EEF1AKMT1: variants seen among roughly 807,000 people sequenced by gnomAD.
EEF1AKMT1 encodes N-6 adenine-specific DNA methyltransferase 2 (putative).
EEF1AKMT1 carries 18 observed loss-of-function variants against 21.0 expected under a neutral mutation model. That is an observed-to-expected ratio of 0.86 (90% confidence interval 0.59 to 1.27). The LOEUF (loss-of-function observed/expected upper bound fraction) is 1.27. EEF1AKMT1 is among the 50% of genes most tolerant of loss of function. The probability of loss-of-function intolerance (pLI) is 0.00; values close to 1 mark genes in which losing one functional copy is unlikely to be tolerated. For synonymous variants in EEF1AKMT1, 109 were observed against 94.8 expected, an observed-to-expected ratio of 1.15 and a Z score of -0.87; for missense variants, 246 against 258.6, an observed-to-expected ratio of 0.95 and a Z score of 0.33.
intron 1 of EEF1AKMT1, 55 bp from the exon 2 acceptor site, chr13:20,757,672 G>GT (rs1246304156): frequency 8.6e-5 from 121 of 1,405,484 alleles, no homozygotes; most frequent in Non-Finnish European, 1.1e-4. Context: ...TTCCCAGCCA[G>GT]TAATAATTTT....
At position 20,763,122 on chromosome 13, in the gene EEF1AKMT1, C is replaced by T. The variant is rs559515249; in HGVS notation, c.-19-5505G>A. 3.3e-5 allele frequency among the ~76,000 whole-genome samples: 5 copies of T among 152,214 alleles called. No individual in the cohort carries two copies. In the East Asian group the frequency reaches 9.6e-4, roughly 29 times the overall value. On this transcript the variant is annotated intron_variant, in intron 1 of 4. Transcript: ENST00000382758. The stretch of plus-strand genomic sequence containing the variant: ...CTATTGTTTTCGGTCTTTGTATTGT[C>T]TTTGGTTTTGGTAACAAGGTAATAT...
At chr13:20,772,736 G>A (rs890666911) in intron 1 of EEF1AKMT1, among the ~76,000 whole-genome samples, 2 of 152,112 alleles carry the variant, frequency 1.3e-5, no homozygotes, top group Non-Finnish European at 2.9e-5. Flanking sequence ...ATGAGCAAAG[G>A]GGCGGACACG....
At position 20,728,994 on chromosome 13, in the gene EEF1AKMT1, A is replaced by C; in HGVS notation, c.*86T>G. ...ACAGCTCCAGTTTGGGGGGAGGGGAAGAGATTATAACTTTTAAATCTACTA... is the reference window on the plus strand; with the variant it reads ...ACAGCTCCAGTTTGGGGGGAGGGGACGAGATTATAACTTTTAAATCTACTA... On this transcript the variant is annotated 3_prime_UTR_variant, in exon 5 of 5. Coordinates refer to ENST00000382758, the MANE Select transcript of EEF1AKMT1 (RefSeq NM_001318939.2). 875 of 1,490,756 alleles carry C rather than the reference A, an allele frequency of 5.9e-4. No individual in the cohort carries two copies. The highest frequency in any genetic ancestry group is 8.7e-4 in the Middle Eastern group (5 of 5,736). The allele number at this position is 1,490,756 out of a possible 1,614,324, so 92.3% of individuals were successfully genotyped here. A position where few individuals can be genotyped will look rare whatever the true frequency, so the allele number is the denominator to read the frequency against.
At chr13:20,767,966 C>A (rs1311355392) in intron 1 of EEF1AKMT1, among the ~76,000 whole-genome samples, 1 of 152,238 alleles carries the variant, frequency 6.6e-6, no homozygotes, top group Admixed American at 6.5e-5. Context: ...TCAGACCTAT[C>A]TCCAAAAGTT....
chr13:20,742,944 T>C (rs576748125), intron 2 of EEF1AKMT1, among the ~76,000 whole-genome samples: 1 of 152,356 alleles, frequency 6.6e-6, no homozygotes, highest in African/African-American at 2.4e-5. Flanking sequence ...GTTTATGGTA[T>C]CTTCTGTTAT....
intron 2 of EEF1AKMT1, 173 bp downstream of exon 2, chr13:20,757,282 T>C: frequency 3.2e-6 from 2 of 632,914 alleles, no homozygotes; most frequent in Non-Finnish European, 5.3e-6. Context: ...TGTTACACTG[T>C]TCTAAAATGT....
chr13:20,741,243 T>G (rs1017491775), intron 2 of EEF1AKMT1, among the ~76,000 whole-genome samples: 1 of 151,790 alleles, frequency 6.6e-6, no homozygotes, highest in African/African-American at 2.4e-5. Flanking sequence ...TTACCACTTA[T>G]GTTCACAGGT....
chr13:20,751,034 G>A (rs866863964), intron 2 of EEF1AKMT1, among the ~76,000 whole-genome samples: 37 of 152,046 alleles, frequency 2.4e-4, no homozygotes, highest in Middle Eastern at 3.4e-3. Flanking sequence ...GGATTATTTG[G>A]TTTTGAAATT....
intron 1 of EEF1AKMT1, among the ~76,000 whole-genome samples, chr13:20,767,823 T>C (rs750221500): frequency 1.3e-5 from 2 of 152,202 alleles, no homozygotes; most frequent in Non-Finnish European, 2.9e-5. Flanking sequence ...CTTTCTTCAT[T>C]TTAAACTTCT....
chr13:20,737,873 T>C, intron 2 of EEF1AKMT1, 68 bp from the exon 3 acceptor site: 1 of 1,094,516 alleles, frequency 9.1e-7, no homozygotes, highest in South Asian at 1.4e-5. Context: ...AATTTATATA[T>C]AATCTATACC....
chr13:20,765,912 T>C (rs1211062655), intron 1 of EEF1AKMT1, among the ~76,000 whole-genome samples: 1 of 152,258 alleles, frequency 6.6e-6, no homozygotes, highest in Non-Finnish European at 1.5e-5. Context: ...CAAATTATAA[T>C]CATAATGAGA....
At chr13:20,763,122 C>A (rs559515249) in intron 1 of EEF1AKMT1, among the ~76,000 whole-genome samples, 23 of 152,214 alleles carry the variant, frequency 1.5e-4, no homozygotes, top group African/African-American at 5.1e-4. Flanking sequence ...TTTGTATTGT[C>A]TTTGGTTTTG....
intron 1 of EEF1AKMT1, among the ~76,000 whole-genome samples, chr13:20,764,891 A>G (rs1461347198): frequency 6.7e-6 from 1 of 148,878 alleles, no homozygotes; most frequent in African/African-American, 2.5e-5. Context: ...ACACACACAC[A>G]CACACACACA....
At chr13:20,736,733 CTT>C (rs71087090) in intron 3 of EEF1AKMT1, among the ~76,000 whole-genome samples, 92 of 87,076 alleles carry the variant, frequency 1.1e-3, no homozygotes, top group Middle Eastern at 0.011. Flanking sequence ...AACCATTTGA[CTT>C]TTTTTTTTTT....
At chr13:20,760,458 G>A (rs1281984678) in intron 1 of EEF1AKMT1, among the ~76,000 whole-genome samples, 1 of 152,128 alleles carries the variant, frequency 6.6e-6, no homozygotes, top group Non-Finnish European at 1.5e-5. Flanking sequence ...AATACCACAT[G>A]CTCTCACTTG....
chr13:20,742,375 G>A (rs1477470306), intron 2 of EEF1AKMT1, among the ~76,000 whole-genome samples: 2 of 151,862 alleles, frequency 1.3e-5, no homozygotes, highest in Non-Finnish European at 2.9e-5. Context: ...AATGACAGGT[G>A]TCAAATAGAA....
chr13:20,762,813 G>A (rs961071756), intron 1 of EEF1AKMT1, among the ~76,000 whole-genome samples: 2 of 152,122 alleles, frequency 1.3e-5, no homozygotes, highest in Non-Finnish European at 2.9e-5. Flanking sequence ...TACACCCAGG[G>A]TGTAGATGTT....
In EEF1AKMT1 at chr13:20,731,782, C is replaced by A; in HGVS notation, c.508+59G>T. The A allele has an allele frequency of 3.2e-6, 5 of 1,541,704 alleles. No individual in the cohort carries two copies. The South Asian group carries it at 3.8e-5, about 12-fold the overall frequency. On this transcript the variant is annotated intron_variant, in intron 4 of 4. Transcript: ENST00000382758. Reference sequence around the variant, plus strand: ...GTGGACTCAGGATTTTTTCTTGACCCTGAAGACCTGAATAGCCACTGTCAG... The same window carrying A: ...GTGGACTCAGGATTTTTTCTTGACCATGAAGACCTGAATAGCCACTGTCAG...
rs778976728 is a variant in EEF1AKMT1, at chr13:20,729,114, A to C, written c.611T>G (p.Val204Gly). The change falls in exon 5 of 5, where the codon GTG becomes GGG. Residue 204 changes from valine (V) to glycine (G), a missense_variant. Physicochemically the swap from Val to Gly is moderately radical, Grantham distance 109. Transcript: ENST00000382758. ...ACAGTCCAGCCCAGAATCATAATTC[A>C]CATAACAGCGAAACTCATTTGCCAA... is the stretch of plus-strand genomic sequence containing the variant. ...RNLANEFRCY[V>G]NYDSGLDCGI The C allele has an allele frequency of 4.3e-6, 7 of 1,614,090 alleles. No individual in the cohort carries two copies. The highest frequency in any genetic ancestry group is 2.2e-5 in the East Asian group (1 of 44,898).
Sources: gnomAD v4.1 joint callset for allele counts (sites outside exome capture counted in the v4.1 genomes callset) on GRCh38, gnomAD v4.1.1 for gene constraint, MANE v1.5 for transcripts, NCBI Gene and HGNC (gene_info 2026-07-23, HGNC 2026-07-21) for gene names.